Variants in TRIT1 observed in about 807,000 individuals in gnomAD.
The protein encoded by TRIT1 is tRNA dimethylallyltransferase.
TRIT1 carries 43 observed loss-of-function variants against 51.2 expected under a neutral mutation model. That is an observed-to-expected ratio of 0.84 (90% CI 0.66 to 1.08). The LOEUF (loss-of-function observed/expected upper bound fraction) is 1.08. TRIT1 is among the 50% of genes least tolerant of loss of function. The pLI, the probability that TRIT1 is intolerant of heterozygous loss-of-function variation, is 0.00. For synonymous variants in TRIT1, 184 were observed against 203.9 expected, an observed-to-expected ratio of 0.90 and a Z score of 0.83; for missense variants, 528 against 578.4, an observed-to-expected ratio of 0.91 and a Z score of 0.89.
chr1:39,871,177 G>A (rs1332349026), intron 1 of TRIT1, among the ~76,000 whole-genome samples: 2 of 147,874 alleles, frequency 1.4e-5, no homozygotes, highest in Non-Finnish European at 3.0e-5. Context: ...TGGGCAACAA[G>A]GGAGAAACTC....
chr1:39,883,282 G>A, intron 1 of TRIT1, 36 bp downstream of exon 1: 1 of 1,579,286 alleles, frequency 6.3e-7, no homozygotes, highest in Non-Finnish European at 8.6e-7. Context: ...CGGCCTCCGG[G>A]GTCCCCAGGC....
intron 1 of TRIT1, among the ~76,000 whole-genome samples, chr1:39,859,918 C>T (rs1264089508): frequency 6.6e-6 from 1 of 152,360 alleles, no homozygotes; most frequent in South Asian, 2.1e-4. Context: ...CTACCAGCAC[C>T]TTCTATCAGA....
At chr1:39,867,193 T>C (rs996569239) in intron 1 of TRIT1, among the ~76,000 whole-genome samples, 1 of 152,218 alleles carries the variant, frequency 6.6e-6, no homozygotes, top group Non-Finnish European at 1.5e-5. Context: ...TTGCCCTTGC[T>C]GAAGTGCAGT....
intron 8 of TRIT1, 91 bp downstream of exon 8, chr1:39,847,129 C>A: frequency 9.5e-7 from 1 of 1,054,040 alleles, no homozygotes; most frequent in South Asian, 1.5e-5. Flanking sequence ...AGAACAGGCC[C>A]AGAATCTAAA....
At chr1:39,845,999 T>C (rs1175847049) in intron 8 of TRIT1, among the ~76,000 whole-genome samples, 2 of 152,210 alleles carry the variant, frequency 1.3e-5, no homozygotes, top group African/African-American at 2.4e-5. Context: ...TTCTAAATTA[T>C]TACCCAAAAG....
At chr1:39,847,151 G>T in intron 8 of TRIT1, 69 bp downstream of exon 8, 1 of 1,287,312 alleles carries the variant, frequency 7.8e-7, no homozygotes, top group Non-Finnish European at 1.1e-6. Context: ...TTCATTTTCT[G>T]GGTGAGCTGA....
chr1:39,846,955 G>A (rs1642257648), intron 8 of TRIT1: 1 of 334,222 alleles, frequency 3.0e-6, no homozygotes, highest in Non-Finnish European at 5.4e-6. Context: ...CAAAAAAGAT[G>A]CTGCTGTTCT....
In TRIT1 at chr1:39,857,356, C is replaced by T. The variant is rs35273801; in HGVS notation, c.236G>A (p.Arg79Gln). The T allele has an allele frequency of 1.4e-5, 22 of 1,614,016 alleles. No homozygotes were observed. The highest frequency in any genetic ancestry group is 7.7e-5 in the South Asian group (7 of 91,082). The change falls in exon 2 of 11, where the codon CGG (arginine) becomes CAG (glutamine). Residue 79 changes from arginine (R) to glutamine (Q), a missense_variant. Arg to Gln is a conservative substitution (Grantham distance 43). Around this residue, in one of 3 missense-constraint regions of TRIT1, gnomAD observed 468 missense variants for 522.6 expected, o/e 0.90. Coordinates refer to ENST00000316891, the MANE Select transcript of TRIT1 (RefSeq NM_017646.6). ...ATCCACAAAGCTGATCATGTGGTGCCGGCAGATTCTCTGCTCTTGGGCAGA... is the reference window on the plus strand; with the variant it reads ...ATCCACAAAGCTGATCATGTGGTGCTGGCAGATTCTCTGCTCTTGGGCAGA... ...KVSAQEQRICRHHMISFVDPL... is the reference protein window; with the variant it reads ...KVSAQEQRICQHHMISFVDPL...
chr1:39,874,586 C>G (rs1218938920), intron 1 of TRIT1, among the ~76,000 whole-genome samples: 1 of 151,964 alleles, frequency 6.6e-6, no homozygotes, highest in East Asian at 1.9e-4. Context: ...ATCATTACTC[C>G]AGGATGCTAA....
intron 1 of TRIT1, among the ~76,000 whole-genome samples, chr1:39,867,209 A>C (rs1643604050): frequency 6.6e-6 from 1 of 152,138 alleles, no homozygotes; most frequent in Non-Finnish European, 1.5e-5. Flanking sequence ...GCAGTGGCAC[A>C]ATCTCGGCTC....
chr1:39,858,712 G>A (rs1054756824), intron 1 of TRIT1, among the ~76,000 whole-genome samples: 2 of 151,938 alleles, frequency 1.3e-5, no homozygotes, highest in Non-Finnish European at 2.9e-5. Flanking sequence ...AAATAAAATC[G>A]GTAAACAGTA....
rs1642475705 is a variant in TRIT1, at chr1:39,850,126, G to A, written c.696C>T (p.Asp232=). Residue 232 remains aspartate (D), a synonymous_variant, in exon 5 of 11, where the codon GAC becomes GAT. Coordinates refer to ENST00000316891, the MANE Select transcript of TRIT1 (RefSeq NM_017646.6). The part of the protein sequence containing the change: ...SNPCILWLHA[D]QAVLDERLDK... ...GCATCAAAGGGCTGTTACCTGCCTGGTCAGCATGAAGCCAAAGGATGCAAG... is the reference window on the plus strand; with the variant it reads ...GCATCAAAGGGCTGTTACCTGCCTGATCAGCATGAAGCCAAAGGATGCAAG... 1 of 1,614,148 alleles carries A rather than the reference G, an allele frequency of 6.2e-7. No individual in the cohort carries two copies. The highest frequency in any genetic ancestry group is 1.3e-5 in the African/African-American group (1 of 75,056).
chr1:39,853,398 C>T (rs1023624383), intron 3 of TRIT1, among the ~76,000 whole-genome samples: 1 of 141,068 alleles, frequency 7.1e-6, no homozygotes, highest in East Asian at 2.0e-4. Context: ...TCTTGAATCG[C>T]ATCTGTTTTT....
intron 1 of TRIT1, among the ~76,000 whole-genome samples, chr1:39,881,022 A>G (rs774131450): frequency 6.6e-6 from 1 of 151,918 alleles, no homozygotes; most frequent in East Asian, 1.9e-4. Flanking sequence ...GTTCGAGACC[A>G]GTCTGGCCAA....
intron 1 of TRIT1, among the ~76,000 whole-genome samples, chr1:39,878,746 A>G (rs1157135260): frequency 6.6e-6 from 1 of 152,202 alleles, no homozygotes; most frequent in Non-Finnish European, 1.5e-5. Context: ...CTTTGTTCCA[A>G]TAAACACTAT....
intron 1 of TRIT1, among the ~76,000 whole-genome samples, chr1:39,867,601 G>A (rs1360406732): frequency 6.6e-6 from 1 of 152,196 alleles, no homozygotes; most frequent in East Asian, 1.9e-4. Context: ...ATATTTTTAA[G>A]TTAAAACATG....
chr1:39,876,907 G>A (rs1644076914), intron 1 of TRIT1, among the ~76,000 whole-genome samples: 1 of 135,914 alleles, frequency 7.4e-6, no homozygotes, highest in African/African-American at 2.8e-5. Flanking sequence ...CAGCCTGGGT[G>A]ACACAGCAAG....
At chr1:39,853,657 C>T (rs1251366129) in intron 3 of TRIT1, among the ~76,000 whole-genome samples, 1 of 152,182 alleles carries the variant, frequency 6.6e-6, no homozygotes, top group Non-Finnish European at 1.5e-5. Context: ...GGTGAGCCAC[C>T]CACCTTGGCC....
chr1:39,852,656 C>T, intron 4 of TRIT1, 75 bp downstream of exon 4: 1 of 1,541,820 alleles, frequency 6.5e-7, no homozygotes, highest in Non-Finnish European at 8.8e-7. Flanking sequence ...TCTCTCTCAT[C>T]ATCTGGGCAA....
Sources: gnomAD v4.1 joint callset for allele counts (sites outside exome capture counted in the v4.1 genomes callset) on GRCh38, gnomAD v4.1.1 for gene constraint, gnomAD v4.1.1 regional missense constraint, MANE v1.5 for transcripts, NCBI Gene and HGNC (gene_info 2026-07-23, HGNC 2026-07-21) for gene names.